LRBA: variants seen among roughly 807,000 people sequenced by gnomAD.
LRBA encodes the protein lipopolysaccharide-responsive and beige-like anchor protein.
In LRBA, 176 loss-of-function variants were observed where a neutral mutation model predicts 330.0. That is an observed-to-expected ratio of 0.53 (90% CI 0.47 to 0.60). LRBA has a LOEUF of 0.60. LRBA is among the 20% of genes least tolerant of loss of function. LRBA has a pLI of 0.00. For synonymous variants in LRBA, 1,230 were observed against 1,193.0 expected (o/e 1.03, Z -0.64); for missense variants, 3,259 against 3,444.8 (o/e 0.95, Z 1.35).
intron 48 of LRBA, among the ~76,000 whole-genome samples, chr4:150,348,137 A>T (rs1262452419): frequency 6.6e-6 from 1 of 152,246 alleles, no homozygotes; most frequent in Non-Finnish European, 1.5e-5. Context: ...ATTAACGCAC[A>T]GTAAACTTCC....
intron 40 of LRBA, among the ~76,000 whole-genome samples, chr4:150,519,391 T>G (rs760895412): frequency 8.5e-5 from 13 of 152,184 alleles, no homozygotes; most frequent in Non-Finnish European, 1.8e-4. Flanking sequence ...CTGTAAACAT[T>G]CACTGTTCTC....
chr4:150,529,165 G>A (rs558909367), intron 40 of LRBA, among the ~76,000 whole-genome samples: 1 of 152,068 alleles, frequency 6.6e-6, no homozygotes, highest in African/African-American at 2.4e-5. Context: ...TCCTAGAATC[G>A]ACCAGTTTCC....
intron 36 of LRBA, chr4:150,721,261 G>A: frequency 2.6e-6 from 1 of 381,106 alleles, no homozygotes; most frequent in Non-Finnish European, 5.1e-6. Flanking sequence ...TTAGATGAGT[G>A]GCTTTATAAG....
At chr4:150,497,161 G>A (rs1402956712) in intron 40 of LRBA, among the ~76,000 whole-genome samples, 4 of 152,078 alleles carry the variant, frequency 2.6e-5, no homozygotes, top group Non-Finnish European at 5.9e-5. Context: ...TTGCATCACT[G>A]TTATTAACAT....
At chr4:150,359,894 C>G (rs1018891841) in intron 47 of LRBA, among the ~76,000 whole-genome samples, 2 of 151,750 alleles carry the variant, frequency 1.3e-5, no homozygotes. Flanking sequence ...GCAGGAGAAT[C>G]TCTTGAATCC....
At chr4:150,683,529 A>G in intron 37 of LRBA, 22 bp downstream of exon 37, 1 of 1,603,516 alleles carries the variant, frequency 6.2e-7, no homozygotes, top group African/African-American at 1.3e-5. Context: ...TCAGTGGCCA[A>G]ATCCTAAAGG....
intron 38 of LRBA, among the ~76,000 whole-genome samples, chr4:150,595,801 A>C (rs1427536586): frequency 6.6e-6 from 1 of 151,908 alleles, no homozygotes; most frequent in African/African-American, 2.4e-5. Flanking sequence ...GTAAAGAATA[A>C]AGTTAGACTA....
rs750349655 is a variant in LRBA, at chr4:150,829,165, A to G, written c.4730-544T>C. 2.4e-4 allele frequency among the ~76,000 whole-genome samples: 36 copies of G among 152,128 alleles called. 1 individual carries two copies. Among genetic ancestry groups the G allele is most frequent in the Middle Eastern group, 3.4e-3 (1 of 294 alleles). On this transcript the variant is annotated intron_variant, in intron 29 of 56. Transcript: ENST00000651943. Reference sequence around the variant, plus strand: ...TGCCCAGGCTGGTCTCAAACTCCTGAGCTCAAGCAATCTACCTGCCTCGGC... The same window carrying G: ...TGCCCAGGCTGGTCTCAAACTCCTGGGCTCAAGCAATCTACCTGCCTCGGC...
chr4:150,857,894 T>G (rs543329209), intron 22 of LRBA, among the ~76,000 whole-genome samples: 1 of 152,172 alleles, frequency 6.6e-6, no homozygotes, highest in South Asian at 2.1e-4. Flanking sequence ...TCATATAATA[T>G]GCAGGCATTA....
chr4:150,412,901 T>C (rs1026052797), intron 47 of LRBA, among the ~76,000 whole-genome samples: 5 of 151,408 alleles, frequency 3.3e-5, no homozygotes, highest in African/African-American at 1.2e-4. Context: ...TAAATCGTGA[T>C]TCAAAAGACA....
intron 22 of LRBA, among the ~76,000 whole-genome samples, chr4:150,854,518 T>C (rs1175576741): frequency 6.6e-6 from 1 of 152,178 alleles, no homozygotes; most frequent in African/African-American, 2.4e-5. Flanking sequence ...GCTTATATTC[T>C]AAAGAAGGTG....
intron 36 of LRBA, 54 bp from the exon 37 acceptor site, chr4:150,683,771 T>G (rs1400585336): frequency 1.5e-6 from 2 of 1,346,860 alleles, no homozygotes; most frequent in Non-Finnish European, 2.0e-6. Flanking sequence ...ACCTTTAAAA[T>G]CCATTATGAA....
In LRBA at chr4:150,604,116, A is replaced by C. The variant is rs143183278; in HGVS notation, c.5922-4985T>G. ...CTATTATTTTTCTCATGTTAATTGT[A>C]AGAATTTTTAGGCTGGGCACTGTGG... On this transcript the variant is annotated intron_variant, in intron 37 of 56. Transcript: ENST00000651943. Among the ~76,000 whole-genome samples, 189 of 152,290 alleles carry C rather than the reference A, an allele frequency of 1.2e-3. 1 individual carries two copies. Among genetic ancestry groups the C allele is most frequent in the East Asian group, 7.9e-3 (41 of 5,178 alleles).
At chr4:150,555,187 C>G (rs1767133516) in intron 40 of LRBA, among the ~76,000 whole-genome samples, 2 of 152,128 alleles carry the variant, frequency 1.3e-5, no homozygotes, top group African/African-American at 2.4e-5. Flanking sequence ...AACTCTAGGT[C>G]TTGTGGTGAA....
intron 37 of LRBA, among the ~76,000 whole-genome samples, chr4:150,667,610 G>C (rs1437805780): frequency 6.6e-6 from 1 of 152,160 alleles, no homozygotes; most frequent in African/African-American, 2.4e-5. Flanking sequence ...TTAGGAGGTA[G>C]GGTCCCTTAG....
At chr4:151,012,008 T>C (rs918504189) in intron 2 of LRBA, among the ~76,000 whole-genome samples, 5 of 152,054 alleles carry the variant, frequency 3.3e-5, no homozygotes, top group Middle Eastern at 3.2e-3. Context: ...AAACCCCAGA[T>C]AATCCATGAA....
chr4:150,917,407 G>A (rs184738226), intron 5 of LRBA, among the ~76,000 whole-genome samples: 3 of 152,128 alleles, frequency 2.0e-5, no homozygotes, highest in Non-Finnish European at 2.9e-5. Flanking sequence ...AAATTTTAAG[G>A]TATTAGAATA....
chr4:150,304,077 CTTTAAATAAGTT>C (rs1000924789), intron 52 of LRBA, among the ~76,000 whole-genome samples: 67 of 152,110 alleles, frequency 4.4e-4, no homozygotes, highest in African/African-American at 1.6e-3. Context: ...CTTTCTTTTT[CTTTAAATAAGTT>C]TTTATATTTC....
chr4:150,312,260 T>C (rs181677808), intron 51 of LRBA, among the ~76,000 whole-genome samples: 2 of 152,240 alleles, frequency 1.3e-5, no homozygotes, highest in East Asian at 3.9e-4. Context: ...CCAGCTAAGG[T>C]ATATTTATCT....
Sources: gnomAD v4.1 joint callset for allele counts (sites outside exome capture counted in the v4.1 genomes callset) on GRCh38, gnomAD v4.1.1 for gene constraint, MANE v1.5 for transcripts, NCBI Gene and HGNC (gene_info 2026-07-23, HGNC 2026-07-21) for gene names.